TRAPPC8: variants seen among roughly 807,000 people sequenced by gnomAD.
TRAPPC8 encodes the protein general sporulation gene 1 homolog.
In TRAPPC8, 54 loss-of-function variants were observed where a neutral mutation model predicts 174.3. The observed-to-expected ratio is 0.31, with a 90% CI of 0.25 to 0.39. The LOEUF is 0.39. Ranked by LOEUF, TRAPPC8 falls within the 10% of genes least tolerant of loss-of-function variation. TRAPPC8 has a pLI of 1.00. For synonymous variants in TRAPPC8, 630 were observed against 579.9 expected, an observed-to-expected ratio of 1.09 and a Z score of -1.24; for missense variants, 1,531 against 1,699.1, an observed-to-expected ratio of 0.90 and a Z score of 1.74.
Position 31,857,570 on chromosome 18 carries a change from T to A in TRAPPC8, c.3158A>T (p.Tyr1053Phe). ...GVHEINFLFY[Y>F]ESVKKQPKIR... ...TTTTGGCTGCTTTTTGACACTTTCA[T>A]AGTAAAACAAAAAGTTAATTTCATG... Residue 1053 changes from tyrosine to phenylalanine, a missense_variant, in exon 20 of 29, where the codon TAT (tyrosine) becomes TTT (phenylalanine). Tyr to Phe is a conservative substitution (Grantham distance 22, BLOSUM62 3). Transcript: ENST00000283351. 6.2e-7 allele frequency: 1 copy of A among 1,606,206 alleles called. No homozygotes were observed. The highest frequency in any genetic ancestry group is 8.5e-7 in the Non-Finnish European group (1 of 1,176,840).
intron 1 of TRAPPC8, among the ~76,000 whole-genome samples, chr18:31,935,132 G>C (rs1046467462): frequency 1.3e-5 from 2 of 151,496 alleles, no homozygotes; most frequent in Admixed American, 1.3e-4. Flanking sequence ...ATCACCTGAG[G>C]TTGGGAGTTC....
intron 12 of TRAPPC8, among the ~76,000 whole-genome samples, chr18:31,878,211 G>C (rs2035259069): frequency 6.6e-6 from 1 of 152,100 alleles, no homozygotes; most frequent in Non-Finnish European, 1.5e-5. Flanking sequence ...GTCTGCTCAG[G>C]ATGAGCAACT....
At chr18:31,933,719 G>C (rs1403845971) in intron 1 of TRAPPC8, among the ~76,000 whole-genome samples, 1 of 151,738 alleles carries the variant, frequency 6.6e-6, no homozygotes, top group African/African-American at 2.4e-5. Flanking sequence ...CCAAAATCAA[G>C]GCCTGCGTAT....
intron 21 of TRAPPC8, among the ~76,000 whole-genome samples, chr18:31,854,965 C>CAAAAAAAAAAAAAAAAAAAAA (rs71175798): frequency 2.2e-5 from 1 of 45,658 alleles, no homozygotes. Context: ...GACTCCATCT[C>CAAAAAAAAAAAAAAAAAAAAA]AAAAAAAAAA....
At chr18:31,843,774 G>A (rs1225290467) in intron 26 of TRAPPC8, among the ~76,000 whole-genome samples, 1 of 152,086 alleles carries the variant, frequency 6.6e-6, no homozygotes. Flanking sequence ...GTCTACCTGG[G>A]GGATAGACGG....
chr18:31,926,787 T>A (rs192111070), intron 2 of TRAPPC8, among the ~76,000 whole-genome samples: 2 of 152,120 alleles, frequency 1.3e-5, no homozygotes, highest in Non-Finnish European at 1.5e-5. Flanking sequence ...AGCCCAATAA[T>A]TGGCTAAGCA....
chr18:31,891,055 T>C (rs1383108923), intron 11 of TRAPPC8, 189 bp from the exon 12 acceptor site: 3 of 357,884 alleles, frequency 8.4e-6, no homozygotes, highest in Non-Finnish European at 1.4e-5. Context: ...CTTTTAAGCT[T>C]TGAAAACATC....
chr18:31,877,888 ACTC>A (rs2035238953), intron 12 of TRAPPC8, among the ~76,000 whole-genome samples: 1 of 148,818 alleles, frequency 6.7e-6, no homozygotes, highest in African/African-American at 2.5e-5. Flanking sequence ...GCACCATTGC[ACTC>A]CAGCCTGGGT....
chr18:31,859,628 G>C (rs2034219470), intron 19 of TRAPPC8, among the ~76,000 whole-genome samples: 1 of 152,148 alleles, frequency 6.6e-6, no homozygotes, highest in African/African-American at 2.4e-5. Flanking sequence ...TGGTAAAATG[G>C]TAACAGTGAT....
intron 2 of TRAPPC8, among the ~76,000 whole-genome samples, chr18:31,921,433 G>GAGAA (rs2037384433): frequency 6.6e-6 from 1 of 152,008 alleles, no homozygotes; most frequent in Non-Finnish European, 1.5e-5. Context: ...GACCAACATG[G>GAGAA]AGAAACCCTG....
chr18:31,893,724 T>A (rs1184392429), intron 11 of TRAPPC8, among the ~76,000 whole-genome samples: 2 of 152,196 alleles, frequency 1.3e-5, no homozygotes, highest in Non-Finnish European at 2.9e-5. Flanking sequence ...CCCTAATTAT[T>A]GTTTCTATTT....
intron 9 of TRAPPC8, 30 bp from the exon 10 acceptor site, chr18:31,901,055 C>A: frequency 6.5e-7 from 1 of 1,543,730 alleles, no homozygotes; most frequent in Non-Finnish European, 8.7e-7. Flanking sequence ...TTACATATTT[C>A]AAAAGAAGAA....
chr18:31,926,024 GA>G (rs1290015953), intron 2 of TRAPPC8, among the ~76,000 whole-genome samples: 1 of 152,186 alleles, frequency 6.6e-6, no homozygotes, highest in Admixed American at 6.5e-5. Flanking sequence ...ACAGAGAAGT[GA>G]AGGGAAGGAA....
Position 31,874,592 on chromosome 18 carries a change from A to G in TRAPPC8, c.1841T>C (p.Leu614Pro), listed in dbSNP as rs879246365. ...NFTIGRQSYT[L>P]RQLDNAVSAF... ...AGACACAGCATTATCCAGCTGTCTAAGAGTATAGGACTGGCGCCCAATAGT... is the reference window on the plus strand; with the variant it reads ...AGACACAGCATTATCCAGCTGTCTAGGAGTATAGGACTGGCGCCCAATAGT... The change falls in exon 13 of 29, where the codon CTT becomes CCT. Residue 614 changes from leucine (L) to proline (P), a missense_variant. Coordinates refer to ENST00000283351, the MANE Select transcript of TRAPPC8 (RefSeq NM_014939.5). 1.9e-6 allele frequency: 3 copies of G among 1,614,158 alleles called. No homozygotes were observed. Among genetic ancestry groups the G allele is most frequent in the African/African-American group, 1.3e-5 (1 of 75,060 alleles).
chr18:31,912,577 C>T (rs2036960202), intron 5 of TRAPPC8, among the ~76,000 whole-genome samples: 1 of 152,040 alleles, frequency 6.6e-6, no homozygotes, highest in Admixed American at 6.6e-5. Context: ...AGGAGAATTG[C>T]TTGAACCCAG....
rs35469149 is a variant in TRAPPC8, at chr18:31,834,001, C to CAAAAAA, written c.3984-1834_3984-1829dup. On this transcript the variant is annotated intron_variant, in intron 27 of 28. Coordinates refer to ENST00000283351, the MANE Select transcript of TRAPPC8 (RefSeq NM_014939.5). The stretch of plus-strand genomic sequence containing the variant: ...TGGGTGACAGAGCAAGACTCCGTCT[C>CAAAAAA]AAAAAAAAAAAACAAAAAACAGAAA... 7.2e-4 allele frequency among the ~76,000 whole-genome samples: 73 copies of CAAAAAA among 101,060 alleles called. 1 individual carries two copies. The highest frequency in any genetic ancestry group is 2.4e-3 in the African/African-American group (53 of 22,306). The allele number at this position is 101,060 out of a possible 152,430, so 66.3% of individuals were successfully genotyped here. A position where few individuals can be genotyped will look rare whatever the true frequency, so the allele number is the denominator to read the frequency against.
Position 31,874,482 on chromosome 18 carries a change from T to C in TRAPPC8, c.1951A>G (p.Lys651Glu). ...AFLREYLYVYKNVSQLSPDGP... is the reference protein window; with the variant it reads ...AFLREYLYVYENVSQLSPDGP... The stretch of plus-strand genomic sequence containing the variant: ...CCTGAATGAAAATAAGCAGTCACCT[T>C]GTAAACATAAAGATATTCTCTGAGG... The change falls in exon 13 of 29, where the codon AAG becomes GAG. Residue 651 changes from lysine to glutamate, a missense_variant and splice_region_variant. By Grantham distance (56) the Lys-to-Glu change is moderately conservative. Transcript: ENST00000283351. 2 of 1,613,698 alleles carry C rather than the reference T, an allele frequency of 1.2e-6. No homozygotes were observed. The highest frequency in any genetic ancestry group is 1.1e-5 in the South Asian group (1 of 91,072).
At chr18:31,921,874 T>C (rs1022602881) in intron 2 of TRAPPC8, among the ~76,000 whole-genome samples, 1 of 152,218 alleles carries the variant, frequency 6.6e-6, no homozygotes, top group African/African-American at 2.4e-5. Context: ...AATATGTTTA[T>C]GTCACTTTCT....
At chr18:31,863,842 T>A (rs559921054) in intron 19 of TRAPPC8, among the ~76,000 whole-genome samples, 4 of 152,110 alleles carry the variant, frequency 2.6e-5, no homozygotes, top group African/African-American at 9.6e-5. Context: ...AAATTTGAAG[T>A]GGCTCAAAGA....
Sources: allele counts gnomAD v4.1 joint callset (sites outside exome capture counted in the v4.1 genomes callset), GRCh38; gene constraint gnomAD v4.1.1; transcripts MANE v1.5; gene names NCBI Gene and HGNC (gene_info 2026-07-23, HGNC 2026-07-21).